NR6A1: variants seen among roughly 807,000 people sequenced by gnomAD.
NR6A1 encodes the protein nuclear receptor subfamily 6 group A member 1.
NR6A1 carries 7 observed loss-of-function variants against 59.1 expected under a neutral mutation model. The ratio of observed to expected loss-of-function variants is 0.12; its 90% confidence interval spans 0.07 to 0.22. The LOEUF (loss-of-function observed/expected upper bound fraction) is 0.22, where lower values mean the gene tolerates loss of function less well. Among genes scored for constraint, NR6A1 ranks in the 10% least tolerant of loss-of-function variants. The pLI is 1.00. For synonymous variants in NR6A1, 243 were observed against 236.1 expected, an observed-to-expected ratio of 1.03 and a Z score of -0.27; for missense variants, 468 against 611.6, an observed-to-expected ratio of 0.77 and a Z score of 2.48.
At chr9:124,564,423 A>T (rs1402237746) in intron 2 of NR6A1, among the ~76,000 whole-genome samples, 1 of 152,218 alleles carries the variant, frequency 6.6e-6, no homozygotes, top group East Asian at 1.9e-4. Flanking sequence ...TTTCTATACC[A>T]TGCACAGAAA....
At chr9:124,592,319 A>G (rs1466004537) in intron 2 of NR6A1, among the ~76,000 whole-genome samples, 1 of 152,244 alleles carries the variant, frequency 6.6e-6, no homozygotes, top group Non-Finnish European at 1.5e-5. Flanking sequence ...CCCCATTTTA[A>G]CACAACGGAA....
In NR6A1 at chr9:124,573,440, T is replaced by C. The variant is rs1020916380; in HGVS notation, c.143-18870A>G. ...AACTTGAAATCTTTCACCCTGTAAC[T>C]TTCTGCCTACTAGACCTAACTCCGC... On this transcript the variant is annotated intron_variant, in intron 2 of 9. Coordinates refer to ENST00000487099, the MANE Select transcript of NR6A1 (RefSeq NM_033334.4). 4.3e-4 allele frequency among the ~76,000 whole-genome samples: 66 copies of C among 152,326 alleles called. 1 individual carries two copies. Among genetic ancestry groups the C allele is most frequent in the African/African-American group, 1.6e-3 (65 of 41,578 alleles).
In NR6A1 at chr9:124,578,568, C is replaced by A. The variant is rs535280044; in HGVS notation, c.143-23998G>T. Among the ~76,000 whole-genome samples, 83 of 152,324 alleles carry A rather than the reference C, an allele frequency of 5.4e-4. No homozygotes were observed. The Middle Eastern group carries it at 0.01, about 19-fold the overall frequency. ...CTCCAAAACAGATCTAAAATCTATT[C>A]TCAATCTCCACTACTAAAAGCCCTG... On this transcript the variant is annotated intron_variant, in intron 2 of 9. Transcript: ENST00000487099.
chr9:124,607,130 A>G (rs1432156363), intron 2 of NR6A1: 1 of 151,970 alleles, frequency 6.6e-6, no homozygotes, highest in Non-Finnish European at 1.5e-5. Context: ...AGGACTTTTT[A>G]TTTTTTCTTT....
intron 2 of NR6A1, among the ~76,000 whole-genome samples, chr9:124,700,754 C>CTTTTTT (rs35704226): frequency 5.5e-5 from 5 of 91,280 alleles, no homozygotes; most frequent in Non-Finnish European, 9.8e-5. Context: ...TTTACATAGC[C>CTTTTTT]TTTTTTTTTT....
intron 3 of NR6A1, among the ~76,000 whole-genome samples, chr9:124,550,375 A>ATTTTTT (rs58594452): frequency 2.6e-4 from 30 of 117,594 alleles, no homozygotes; most frequent in African/African-American, 3.9e-4. Context: ...CTAATGGTGA[A>ATTTTTT]TTTTTTTTTT....
At chr9:124,676,791 G>A (rs978130327) in intron 2 of NR6A1, among the ~76,000 whole-genome samples, 8 of 152,172 alleles carry the variant, frequency 5.3e-5, no homozygotes, top group Non-Finnish European at 1.0e-4. Context: ...TAATGTCACC[G>A]TTTGGGACAG....
intron 1 of NR6A1, among the ~76,000 whole-genome samples, chr9:124,757,434 A>C (rs182251336): frequency 1.7e-4 from 26 of 149,648 alleles, no homozygotes; most frequent in African/African-American, 6.4e-4. Context: ...AAAACGTAAT[A>C]GTATATACTG....
At chr9:124,749,627 T>A (rs1369312702) in intron 1 of NR6A1, among the ~76,000 whole-genome samples, 1 of 152,006 alleles carries the variant, frequency 6.6e-6, no homozygotes, top group Non-Finnish European at 1.5e-5. Context: ...ACAGGAACAA[T>A]CATAATGCAC....
intron 7 of NR6A1, among the ~76,000 whole-genome samples, chr9:124,528,461 G>A (rs1203401852): frequency 2.6e-5 from 4 of 152,168 alleles, no homozygotes; most frequent in African/African-American, 9.7e-5. Context: ...AGCACCTTGG[G>A]AGGCTGAGGT....
intron 1 of NR6A1, among the ~76,000 whole-genome samples, chr9:124,740,727 C>T (rs906699155): frequency 3.9e-5 from 6 of 152,152 alleles, no homozygotes; most frequent in East Asian, 1.9e-4. Context: ...AACAGTCATT[C>T]ACTGGTCTTT....
At chr9:124,580,979 G>C (rs1834748632) in intron 2 of NR6A1, among the ~76,000 whole-genome samples, 1 of 152,056 alleles carries the variant, frequency 6.6e-6, no homozygotes, top group East Asian at 1.9e-4. Flanking sequence ...CCAGAAATAA[G>C]ACTGCATGCC....
chr9:124,582,814 A>C (rs1834812447), intron 2 of NR6A1, among the ~76,000 whole-genome samples: 1 of 152,202 alleles, frequency 6.6e-6, no homozygotes, highest in South Asian at 2.1e-4. Flanking sequence ...TTTGAGCATA[A>C]GAGTTCAAGG....
intron 2 of NR6A1, among the ~76,000 whole-genome samples, chr9:124,675,927 T>C (rs981620050): frequency 6.6e-6 from 1 of 152,190 alleles, no homozygotes; most frequent in African/African-American, 2.4e-5. Context: ...GGTGTAATTG[T>C]ATACTCAAAT....
At chr9:124,573,033 T>C (rs1037211662) in intron 2 of NR6A1, among the ~76,000 whole-genome samples, 5 of 152,222 alleles carry the variant, frequency 3.3e-5, no homozygotes, top group African/African-American at 1.2e-4. Flanking sequence ...TGGTTCAAAG[T>C]TGTATTAAGC....
chr9:124,746,398 G>A (rs1156615557), intron 1 of NR6A1, among the ~76,000 whole-genome samples: 3 of 152,264 alleles, frequency 2.0e-5, no homozygotes, highest in East Asian at 3.9e-4. Flanking sequence ...AGACCAGCCT[G>A]GTCACCACGG....
chr9:124,653,028 T>C (rs1278587337), intron 2 of NR6A1, among the ~76,000 whole-genome samples: 1 of 152,216 alleles, frequency 6.6e-6, no homozygotes, highest in Non-Finnish European at 1.5e-5. Context: ...GTATAATCAT[T>C]ATTAAAGGTT....
intron 2 of NR6A1, among the ~76,000 whole-genome samples, chr9:124,568,432 G>A (rs1383614784): frequency 7.9e-5 from 12 of 151,160 alleles, no homozygotes; most frequent in Admixed American, 6.6e-4. Flanking sequence ...GCAGTGAACC[G>A]AGATTGTGCC....
chr9:124,525,345 TTCTTAA>T (rs1227511107), intron 8 of NR6A1, among the ~76,000 whole-genome samples: 1 of 146,750 alleles, frequency 6.8e-6, no homozygotes, highest in Non-Finnish European at 1.5e-5. Context: ...TGCGCTTCTG[TTCTTAA>T]TCTTCTTCCT....
Sources: allele counts gnomAD v4.1 joint callset (sites outside exome capture counted in the v4.1 genomes callset), GRCh38; gene constraint gnomAD v4.1.1; transcripts MANE v1.5; gene names NCBI Gene and HGNC (gene_info 2026-07-23, HGNC 2026-07-21).